Variants in BTK observed in about 807,000 individuals in gnomAD.
The protein encoded by BTK is Bruton tyrosine kinase.
A neutral mutation model predicts 57.4 loss-of-function variants in BTK; 5 were observed. The observed-to-expected ratio is 0.09, with a 90% confidence interval of 0.05 to 0.18. The LOEUF is 0.18. BTK is among the 10% of genes least tolerant of loss of function. BTK has a pLI of 1.00. For synonymous variants in BTK, 154 were observed against 174.3 expected (o/e 0.88, Z 0.92); for missense variants, 194 against 501.2 (o/e 0.39, Z 5.85).
chrX:101,379,228 A>G (rs2147452241), intron 1 of BTK, among the ~76,000 whole-genome samples: 1 of 111,302 alleles, frequency 9.0e-6, no homozygotes, highest in South Asian at 3.8e-4. Context: ...AGAAAACTAC[A>G]CAGCCAGCCT....
chrX:101,359,793 T>C (rs1569292540), intron 9 of BTK, among the ~76,000 whole-genome samples: 1 of 107,974 alleles, frequency 9.3e-6, no homozygotes, highest in Non-Finnish European at 1.9e-5. Flanking sequence ...ATACACTAAT[T>C]TGAGGTGGTG....
At chrX:101,363,027 T>C (rs1179619191) in intron 5 of BTK, among the ~76,000 whole-genome samples, 8 of 112,658 alleles carry the variant, frequency 7.1e-5, no homozygotes, top group African/African-American at 1.9e-4. Context: ...GTAAGGCAAG[T>C]GTTTCCCAGA....
At chrX:101,364,334 A>G (rs1282130039) in intron 5 of BTK, among the ~76,000 whole-genome samples, 1 of 105,077 alleles carries the variant, frequency 9.5e-6, no homozygotes, top group African/African-American at 3.5e-5. Flanking sequence ...ACTTGAACCC[A>G]GGAGGTGGAG....
rs1926926501 is a variant in BTK, at chrX:101,368,385, A to C, written c.391+1613T>G. On this transcript the variant is annotated intron_variant, in intron 5 of 18. Transcript: ENST00000308731. ...TATAGAATATTTTGCAACCAACTACATGTGAAATTTCTGGACTTGGAAACC... is the reference window on the plus strand; with the variant it reads ...TATAGAATATTTTGCAACCAACTACCTGTGAAATTTCTGGACTTGGAAACC... 1.8e-5 allele frequency among the ~76,000 whole-genome samples: 2 copies of C among 111,944 alleles called. 1 individual carries two copies. Among genetic ancestry groups the C allele is most frequent in the South Asian group, 7.4e-4 (2 of 2,690 alleles).
chrX:101,379,088 C>T (rs1230259087), intron 1 of BTK, among the ~76,000 whole-genome samples: 4 of 107,384 alleles, frequency 3.7e-5, no homozygotes, highest in East Asian at 2.9e-4. Flanking sequence ...GCAGGAGAAT[C>T]GCTTGAACTC....
At chrX:101,389,753 C>T (rs1301725312), upstream of BTK, among the ~76,000 whole-genome samples, 3 of 111,633 alleles carry the variant, frequency 2.7e-5, no homozygotes, top group Non-Finnish European at 5.6e-5. Flanking sequence ...TAGTGTTAGA[C>T]TACCTAGGAT....
intron 13 of BTK, 121 bp downstream of exon 13, chrX:101,357,388 A>G (rs2097905720): frequency 1.6e-6 from 1 of 641,368 alleles, no homozygotes; most frequent in African/African-American, 2.2e-5. Context: ...ATCTGTCTTG[A>G]GCGTCCTTGA....
At chrX:101,353,071 A>T (rs1327197465) in intron 18 of BTK, 123 bp downstream of exon 18, 9 of 111,435 alleles carry the variant, frequency 8.1e-5, no homozygotes, top group Middle Eastern at 4.4e-3. Flanking sequence ...GTCTCAAATT[A>T]AAAAAAAAAA....
At chrX:101,369,878 G>A (rs1234234625) in intron 5 of BTK, 120 bp downstream of exon 5, 4 of 595,965 alleles carry the variant, frequency 6.7e-6, no homozygotes, top group Admixed American at 6.9e-5. Flanking sequence ...TTCTCTCTAC[G>A]TTTCTCCTTT....
intron 5 of BTK, among the ~76,000 whole-genome samples, chrX:101,368,611 T>C (rs1926932561): frequency 8.9e-6 from 1 of 112,424 alleles, no homozygotes; most frequent in Non-Finnish European, 1.9e-5. Context: ...AGTAATACAT[T>C]TGAAGCACTT....
chrX:101,357,207 T>C (rs1926512096), intron 13 of BTK, among the ~76,000 whole-genome samples: 1 of 111,896 alleles, frequency 8.9e-6, no homozygotes, highest in Non-Finnish European at 1.9e-5. Context: ...TTTATGATTA[T>C]GTTAGTGATG....
At chrX:101,387,439 C>T (rs1438352122), upstream of BTK, among the ~76,000 whole-genome samples, 1 of 104,539 alleles carries the variant, frequency 9.6e-6, no homozygotes, top group Non-Finnish European at 2.0e-5. Context: ...GCAGCCTCCA[C>T]CTCCTGGGCT....
chrX:101,369,448 C>A (rs1023793887), intron 5 of BTK, among the ~76,000 whole-genome samples: 1 of 111,944 alleles, frequency 8.9e-6, no homozygotes, highest in Non-Finnish European at 1.9e-5. Flanking sequence ...ACTCTGACTT[C>A]AAGCACTCTC....
chrX:101,384,079 G>C (rs782446156), intron 1 of BTK, among the ~76,000 whole-genome samples: 1 of 111,639 alleles, frequency 9.0e-6, no homozygotes, highest in Non-Finnish European at 1.9e-5. Flanking sequence ...GGTGTAGAAG[G>C]GGGTATCTGA....
At chrX:101,350,667 G>A (rs1308810616) in intron 18 of BTK, among the ~76,000 whole-genome samples, 2 of 110,248 alleles carry the variant, frequency 1.8e-5, no homozygotes, top group Non-Finnish European at 1.9e-5. Flanking sequence ...GACTAGTCTC[G>A]AATTCCTGAC....
chrX:101,354,053 G>T, intron 16 of BTK, 65 bp from the exon 17 acceptor site: 1 of 843,876 alleles, frequency 1.2e-6, no homozygotes, highest in Admixed American at 2.2e-5. Flanking sequence ...ACGTTTTCTT[G>T]GCACGGTCAC....
chrX:101,386,883 G>A (rs1212051983), upstream of BTK, among the ~76,000 whole-genome samples: 1 of 111,791 alleles, frequency 8.9e-6, no homozygotes, highest in Non-Finnish European at 1.9e-5. Flanking sequence ...CCTGTAAACC[G>A]GTAAAGCAGA....
chrX:101,378,653 A>G (rs1297540648), intron 1 of BTK, among the ~76,000 whole-genome samples: 2 of 110,989 alleles, frequency 1.8e-5, no homozygotes, highest in Admixed American at 1.9e-4. Flanking sequence ...CAGTGTTACA[A>G]TGTCCCCTTT....
In BTK at chrX:101,380,881, CT is replaced by C. The variant is rs1555981655; in HGVS notation, c.-31+5180del. Among the ~76,000 whole-genome samples the C allele has an allele frequency of 5.4e-3, 579 of 106,781 alleles. 9 individuals carry two copies. The highest frequency in any genetic ancestry group is 0.019 in the African/African-American group (559 of 28,709). The allele number at this position is 106,781 out of a possible 115,157, so 92.7% of individuals were successfully genotyped here. ...AATACAAAAACTAGCTGGGCCAACG[CT>C]ACTCTCCCAGCTACTCAGGAGGCTG... On this transcript the variant is annotated intron_variant, in intron 1 of 18. Transcript: ENST00000308731.
Sources: gnomAD v4.1 joint callset for allele counts (sites outside exome capture counted in the v4.1 genomes callset) on GRCh38, gnomAD v4.1.1 for gene constraint, MANE v1.5 for transcripts, NCBI Gene and HGNC (gene_info 2026-07-23, HGNC 2026-07-21) for gene names.